TIMP3: variants seen among roughly 807,000 people sequenced by gnomAD.
TIMP3 encodes the protein TIMP metallopeptidase inhibitor 3, also known as metalloproteinase inhibitor 3.
A neutral mutation model predicts 30.0 loss-of-function variants in TIMP3; 11 were observed. That is an observed-to-expected ratio of 0.37 (90% CI 0.23 to 0.61). The LOEUF (loss-of-function observed/expected upper bound fraction) is 0.61, where lower values mean the gene tolerates loss of function less well. TIMP3 is among the 20% of genes least tolerant of loss of function. The pLI is 0.70. For synonymous variants in TIMP3, 112 were observed against 111.3 expected, an observed-to-expected ratio of 1.01 and a Z score of -0.04; for missense variants, 181 against 276.8, an observed-to-expected ratio of 0.65 and a Z score of 2.45.
chr22:32,848,405 G>C (rs2048128885), intron 1 of TIMP3, among the ~76,000 whole-genome samples: 1 of 152,210 alleles, frequency 6.6e-6, no homozygotes, highest in Non-Finnish European at 1.5e-5. Flanking sequence ...GGCTCAGAAA[G>C]AGGAAGTGGT....
chr22:32,802,971 G>A (rs538410309), intron 1 of TIMP3, among the ~76,000 whole-genome samples: 4 of 152,286 alleles, frequency 2.6e-5, no homozygotes, highest in Non-Finnish European at 4.4e-5. Context: ...GAGAGACCCT[G>A]TAAAGAGACC....
intron 2 of TIMP3, among the ~76,000 whole-genome samples, chr22:32,851,532 G>A (rs2048217353): frequency 6.6e-6 from 1 of 152,144 alleles, no homozygotes; most frequent in Non-Finnish European, 1.5e-5. Flanking sequence ...CTCCCAGACT[G>A]GTGGGCTTAG....
chr22:32,820,750 G>C lies in TIMP3; in HGVS notation c.121+18628G>C, dbSNP rs1285106225. On this transcript the variant is annotated intron_variant, in intron 1 of 4. Transcript: ENST00000266085. ...GCTTGGGATATGTTTTAGGGTGAAG[G>C]ATCACAGAAGCTTACTCATACCTAT... Among the ~76,000 whole-genome samples the C allele has an allele frequency of 2.6e-5, 4 of 152,172 alleles. No individual in the cohort carries two copies. In the East Asian group the frequency reaches 7.7e-4, roughly 29 times the overall value.
Position 32,811,260 on chromosome 22 carries a change from C to T in TIMP3, c.121+9138C>T, listed in dbSNP as rs143394602. On this transcript the variant is annotated intron_variant, in intron 1 of 4. Transcript: ENST00000266085. The stretch of plus-strand genomic sequence containing the variant: ...CCCCAAAAGTGGGGAGCCAAAGACT[C>T]AGGTGGAGAGGTCGCAAAATGGGTA... 2.0e-3 allele frequency among the ~76,000 whole-genome samples: 312 copies of T among 152,262 alleles called. 3 individuals carry two copies. Among genetic ancestry groups the T allele is most frequent in the African/African-American group, 7.2e-3 (301 of 41,548 alleles).
chr22:32,838,125 A>G (rs2047788073), intron 1 of TIMP3, among the ~76,000 whole-genome samples: 1 of 152,176 alleles, frequency 6.6e-6, no homozygotes, highest in African/African-American at 2.4e-5. Flanking sequence ...TAAAGGTAGG[A>G]ACCTTGTCTG....
intron 1 of TIMP3, among the ~76,000 whole-genome samples, chr22:32,844,162 G>C (rs35337678): frequency 6.6e-6 from 1 of 152,168 alleles, no homozygotes; most frequent in Non-Finnish European, 1.5e-5. Context: ...CCAACCATTA[G>C]GTCGGGGAAG....
intron 1 of TIMP3, among the ~76,000 whole-genome samples, chr22:32,843,111 A>G (rs1338650988): frequency 2.0e-5 from 3 of 151,950 alleles, no homozygotes; most frequent in East Asian, 3.9e-4. Context: ...AGGATGCAAA[A>G]CTGCTTACAG....
intron 1 of TIMP3, among the ~76,000 whole-genome samples, chr22:32,842,215 G>A (rs965793046): frequency 6.6e-6 from 1 of 152,048 alleles, no homozygotes; most frequent in South Asian, 2.1e-4. Context: ...CCAGTACGCC[G>A]TGATCACTTC....
chr22:32,832,493 G>T (rs1258652741), intron 1 of TIMP3, among the ~76,000 whole-genome samples: 1 of 150,664 alleles, frequency 6.6e-6, no homozygotes, highest in Non-Finnish European at 1.5e-5. Flanking sequence ...CCAATTCCTG[G>T]CCCAGGGCTC....
At chr22:32,855,909 T>G (rs562585463) in intron 2 of TIMP3, among the ~76,000 whole-genome samples, 1 of 152,340 alleles carries the variant, frequency 6.6e-6, no homozygotes, top group Admixed American at 6.5e-5. Flanking sequence ...ATAAAGTATT[T>G]AACAGTTAAA....
intron 4 of TIMP3, 51 bp from the exon 5 acceptor site, chr22:32,859,129 T>A (rs774192591): frequency 3.1e-6 from 5 of 1,599,778 alleles, no homozygotes. Flanking sequence ...GCCTCAGGCC[T>A]GGGCATACCA....
chr22:32,847,291 C>T (rs1047910409), intron 1 of TIMP3, among the ~76,000 whole-genome samples: 2 of 152,190 alleles, frequency 1.3e-5, no homozygotes, highest in Non-Finnish European at 2.9e-5. Context: ...GCCGAGAATA[C>T]TACCGCAATG....
chr22:32,835,549 G>A (rs1254691132), intron 1 of TIMP3, among the ~76,000 whole-genome samples: 1 of 152,144 alleles, frequency 6.6e-6, no homozygotes, highest in Non-Finnish European at 1.5e-5. Flanking sequence ...GCAGTTGATG[G>A]GTAATGGGGA....
Position 32,807,378 on chromosome 22 carries a change from AAT to A in TIMP3, c.121+5263_121+5264del, listed in dbSNP as rs1409769451. On this transcript the variant is annotated intron_variant, in intron 1 of 4. Transcript: ENST00000266085. ...ATAATATATAATATATATTATATAT[AAT>A]ATATATTATATATAATATATATATA... 3.7e-5 allele frequency among the ~76,000 whole-genome samples: 4 copies of A among 108,242 alleles called. 1 individual carries two copies. Among genetic ancestry groups the A allele is most frequent in the Non-Finnish European group, 6.9e-5 (4 of 57,670 alleles). The allele number at this position is 108,242 out of a possible 152,430, so 71.0% of individuals were successfully genotyped here.
chr22:32,831,850 C>A (rs777358343), intron 1 of TIMP3, among the ~76,000 whole-genome samples: 2 of 152,072 alleles, frequency 1.3e-5, no homozygotes, highest in East Asian at 1.9e-4. Flanking sequence ...TCACTGCACC[C>A]CCCCCAACCT....
In TIMP3 at chr22:32,833,035, A is replaced by C. The variant is rs2047623797; in HGVS notation, c.122-16417A>C. On this transcript the variant is annotated intron_variant, in intron 1 of 4. Coordinates refer to ENST00000266085, the MANE Select transcript of TIMP3 (RefSeq NM_000362.5). ...GGCGTGAGCCACCGCGCCCAGCAAGATCTACCTTCTTAACACATTTTTTAA... is the reference window on the plus strand; with the variant it reads ...GGCGTGAGCCACCGCGCCCAGCAAGCTCTACCTTCTTAACACATTTTTTAA... Among the ~76,000 whole-genome samples, 4 of 152,180 alleles carry C rather than the reference A, an allele frequency of 2.6e-5. No homozygotes were observed. In the South Asian group the frequency reaches 8.3e-4, roughly 31 times the overall value.
At chr22:32,851,026 C>T (rs2048204033) in intron 2 of TIMP3, among the ~76,000 whole-genome samples, 1 of 152,182 alleles carries the variant, frequency 6.6e-6, no homozygotes, top group Non-Finnish European at 1.5e-5. Flanking sequence ...CCAGAGTCAG[C>T]CCTGGCCAGT....
chr22:32,818,720 T>A (rs1264908277), intron 1 of TIMP3, among the ~76,000 whole-genome samples: 1 of 152,148 alleles, frequency 6.6e-6, no homozygotes, highest in Non-Finnish European at 1.5e-5. Flanking sequence ...GAAAAGCTGA[T>A]GTCACTGTGG....
intron 1 of TIMP3, among the ~76,000 whole-genome samples, chr22:32,830,227 G>C (rs2047533809): frequency 6.6e-6 from 1 of 152,092 alleles, no homozygotes; most frequent in African/African-American, 2.4e-5. Flanking sequence ...TTGGGAAAGG[G>C]GGCCTCTCAC....
Sources: gnomAD v4.1 joint callset for allele counts (sites outside exome capture counted in the v4.1 genomes callset) on GRCh38, gnomAD v4.1.1 for gene constraint, MANE v1.5 for transcripts, NCBI Gene and HGNC (gene_info 2026-07-23, HGNC 2026-07-21) for gene names.